Variants in SALL4 observed in about 807,000 individuals in gnomAD.
SALL4 encodes the protein sal-like protein 4.
Under a neutral mutation model 60.8 loss-of-function variants are expected in SALL4, and 4 were observed. The ratio of observed to expected loss-of-function variants is 0.07; its 90% CI spans 0.03 to 0.15. SALL4 has a LOEUF of 0.15. SALL4 is among the 10% of genes least tolerant of loss of function. SALL4 has a pLI of 1.00. For missense variants in SALL4, 1,178 were observed against 1,394.7 expected (o/e 0.84, Z 2.48); for synonymous variants, 580 against 574.9 (o/e 1.01, Z -0.13).
intron 3 of SALL4, among the ~76,000 whole-genome samples, chr20:51,787,076 C>T (rs1174170712): frequency 6.6e-6 from 1 of 150,770 alleles, no homozygotes; most frequent in Non-Finnish European, 1.5e-5. Context: ...GCCTGGGCAA[C>T]AAGAGCAAAA....
At position 51,783,724 on chromosome 20, in the gene SALL4, GAA is replaced by G. The variant is rs34105550; in HGVS notation, c.*539_*540del. The stretch of plus-strand genomic sequence containing the variant: ...CAAGACCCGCTTCTTTCCAAAATTA[GAA>G]AAAAAAAAAAAAAGTGCCAGGCGTG... On this transcript the variant is annotated 3_prime_UTR_variant, in exon 4 of 4. Coordinates refer to ENST00000217086, the MANE Select transcript of SALL4 (RefSeq NM_020436.5). 3.2e-4 allele frequency: 44 copies of G among 137,268 alleles called. No individual in the cohort carries two copies. Among genetic ancestry groups the G allele is most frequent in the Admixed American group, 5.8e-4 (8 of 13,794 alleles). The allele number at this position is 137,268 out of a possible 1,614,324, so 8.5% of individuals were successfully genotyped here.
At position 51,784,445 on chromosome 20, in the gene SALL4, C is replaced by A. The variant is rs765095328; in HGVS notation, c.2982G>T (p.Gly994=). The change falls in exon 4 of 4, where the codon GGG becomes GGT. Residue 994 remains glycine, a synonymous_variant. Coordinates refer to ENST00000217086, the MANE Select transcript of SALL4 (RefSeq NM_020436.5). ...CCAAGGAAACCGGGAGGGTAGGAAC[C>A]CCCCCACTCTGGATCACAGAGATCT... ...TNEISVIQSG[G]VPTLPVSLGA... The A allele has an allele frequency of 1.5e-5, 24 of 1,614,038 alleles. No homozygotes were observed. Among genetic ancestry groups the A allele is most frequent in the Middle Eastern group, 1.6e-4 (1 of 6,084 alleles).
In SALL4 at chr20:51,792,515, C is replaced by G. The variant is rs371954627; in HGVS notation, c.131-163G>C. Among the ~76,000 whole-genome samples the G allele has an allele frequency of 9.2e-5, 14 of 151,610 alleles. No individual in the cohort carries two copies. The South Asian group carries it at 2.9e-3, about 32-fold the overall frequency. ...ACCAGTCTGGCCAACATGGTGAGAC[C>G]CTGTCACTACTAAAAACACAAAAAT... is the stretch of plus-strand genomic sequence containing the variant. On this transcript the variant is annotated intron_variant, in intron 1 of 3. Transcript: ENST00000217086.
chr20:51,792,622 G>T, intron 1 of SALL4: 1 of 565,964 alleles, frequency 1.8e-6, no homozygotes, highest in South Asian at 2.0e-5. Flanking sequence ...CCAGGAGGCA[G>T]AGGTTGCAGT....
chr20:51,796,210 A>AAAAAG (rs2078078602), intron 1 of SALL4, among the ~76,000 whole-genome samples: 1 of 148,518 alleles, frequency 6.7e-6, no homozygotes, highest in East Asian at 1.9e-4. Context: ...AAAAAAAAAA[A>AAAAAG]AAAGAAAGAA....
intron 3 of SALL4, among the ~76,000 whole-genome samples, chr20:51,787,601 T>A (rs779147104): frequency 6.6e-6 from 1 of 152,202 alleles, no homozygotes; most frequent in African/African-American, 2.4e-5. Flanking sequence ...ACCTGGCTGC[T>A]TTCTTTAATT....
rs2078052505 is a variant in SALL4 at position 51,792,344 on chromosome 20, C to T, written c.139G>A (p.Val47Met). The T allele has an allele frequency of 2.5e-6, 4 of 1,602,760 alleles. No homozygotes were observed. The highest frequency in any genetic ancestry group is 2.7e-5 in the African/African-American group (2 of 74,902). Reference protein sequence around the residue: ...APAAGELGAPVNHPGNDEVAS... With the variant: ...APAAGELGAPMNHPGNDEVAS... ...ACCTCGTCATTCCCTGGGTGGTTCA[C>T]TGGAGCACCTGTAACAAGACAGAAA... The change falls in exon 2 of 4, where the codon GTG becomes ATG. Residue 47 changes from valine to methionine, a missense_variant. Val to Met is a conservative substitution (Grantham distance 21). This residue lies in a region of SALL4 where 108 missense variants were observed against 95.7 expected (regional missense o/e 1.13). Coordinates refer to ENST00000217086, the MANE Select transcript of SALL4 (RefSeq NM_020436.5).
intron 1 of SALL4, among the ~76,000 whole-genome samples, chr20:51,793,357 G>A (rs35281655): frequency 0.09 from 13,735 of 152,050 alleles, 820 homozygotes; most frequent in Non-Finnish European, 0.13. Context: ...GCATGGCAGC[G>A]TCCATGTATA....
At chr20:51,793,386 G>T (rs1472430260) in intron 1 of SALL4, among the ~76,000 whole-genome samples, 1 of 152,058 alleles carries the variant, frequency 6.6e-6, no homozygotes, top group Non-Finnish European at 1.5e-5. Flanking sequence ...AACTCCAGAG[G>T]CTGAGGCAGG....
At position 51,801,923 on chromosome 20, in the gene SALL4, G is replaced by A. The variant is rs112471334; in HGVS notation, c.130+356C>T. Among the ~76,000 whole-genome samples the A allele has an allele frequency of 2.6e-5, 4 of 151,812 alleles. No individual in the cohort carries two copies. Among genetic ancestry groups the A allele is most frequent in the African/African-American group, 9.7e-5 (4 of 41,422 alleles). On this transcript the variant is annotated intron_variant, in intron 1 of 3. Transcript: ENST00000217086. The surrounding 1 kb of genome is among the most constrained non-coding windows in gnomAD (Gnocchi z 5.2). ...GGGAGGGGGACCTAAGTTACAAGGG[G>A]GGGGGGTAACACCAGTGAGGGGAGT...
rs772877973 is a variant in SALL4 at position 51,792,188 on chromosome 20, G to A, written c.295C>T (p.Pro99Ser). 1 of 1,614,156 alleles carries A rather than the reference G, an allele frequency of 6.2e-7. No individual in the cohort carries two copies. The highest frequency in any genetic ancestry group is 1.7e-5 in the Admixed American group (1 of 60,018). ...TCGCTGTCATTCATGATGAGGACAG[G>A]TGGATTTTTAGTGCAATTTTTCTTA... is the stretch of plus-strand genomic sequence containing the variant. ...EHKKNCTKNP[P>S]VLIMNDSEGP... is the part of the protein sequence containing the mutation. The change falls in exon 2 of 4, where the codon CCT (proline) becomes TCT (serine). Residue 99 changes from proline to serine, a missense_variant. Pro to Ser is a moderately conservative substitution (Grantham distance 74). Transcript: ENST00000217086.
At chr20:51,784,776 AC>A in intron 3 of SALL4, 92 bp from the exon 4 acceptor site, 2 of 1,430,306 alleles carry the variant, frequency 1.4e-6, no homozygotes, top group Non-Finnish European at 2.0e-6. Flanking sequence ...ATTTCATTCT[AC>A]CCAGTGTTTT....
rs550740065 is a variant in SALL4 at position 51,788,129 on chromosome 20, TTTCTAATTTTTAAAATTAAAATGTAAACA to T, written c.2742+703_2742+731del. On this transcript the variant is annotated intron_variant, in intron 3 of 3. Transcript: ENST00000217086. The surrounding 1 kb of genome is among the most constrained non-coding windows in gnomAD (Gnocchi z 4.1). ...GCTGAGCCACTGCACCCAGGTAGTATTTCTAATTTTTAAAATTAAAATGTAAACATTTTAATTTTTTTAAGAGACAAGGT... is the reference window on the plus strand; with the variant it reads ...GCTGAGCCACTGCACCCAGGTAGTATTTTTAATTTTTTTAAGAGACAAGGT... Among the ~76,000 whole-genome samples, 1,000 of 151,484 alleles carry T rather than the reference TTTCTAATTTTTAAAATTAAAATGTAAACA, an allele frequency of 6.6e-3. 14 individuals are homozygous for T. Among genetic ancestry groups the T allele is most frequent in the African/African-American group, 0.023 (951 of 41,282 alleles).
intron 1 of SALL4, among the ~76,000 whole-genome samples, chr20:51,798,778 C>G (rs958871625): frequency 3.3e-5 from 5 of 151,874 alleles, no homozygotes; most frequent in African/African-American, 9.7e-5. Flanking sequence ...GCTCCCTTGT[C>G]GAAGATGCCA....
chr20:51,802,171 C>T, intron 1 of SALL4, 108 bp downstream of exon 1: 1 of 1,372,718 alleles, frequency 7.3e-7, no homozygotes, highest in Non-Finnish European at 9.7e-7. Context: ...AATCTCGGCT[C>T]CTGAATTTGC....
In SALL4 at chr20:51,788,849, A is replaced by T. The variant is rs1568862153; in HGVS notation, c.2742+12T>A. 1 of 1,613,834 alleles carries T rather than the reference A, an allele frequency of 6.2e-7. No individual in the cohort carries two copies. Among genetic ancestry groups the T allele is most frequent in the Non-Finnish European group, 8.5e-7 (1 of 1,180,028 alleles). On this transcript the variant is annotated intron_variant, in intron 3 of 3. Transcript: ENST00000217086. This position sits in a 1 kb window ranked among gnomAD's most constrained non-coding sequence, Gnocchi z 4.1. The stretch of plus-strand genomic sequence containing the variant: ...CTAGCCCCCATCCTGCTGAAAGCCC[A>T]CACAAACCCACCTTTAAGTTGCCTT...
At chr20:51,794,022 C>T (rs1221250629) in intron 1 of SALL4, among the ~76,000 whole-genome samples, 1 of 152,192 alleles carries the variant, frequency 6.6e-6, no homozygotes, top group African/African-American at 2.4e-5. Context: ...GCCTACTGGG[C>T]ACGCGTAATC....
Position 51,791,581 on chromosome 20 carries a change from G to T in SALL4, c.902C>A (p.Ser301Tyr). ...QAKLPHANIP[S>Y]ATSSLSPGLA... ...CCCTGGGGACAGGGAGCTGGTGGCA[G>T]AAGGGATGTTGGCGTGAGGTAGCTT... is the stretch of plus-strand genomic sequence containing the variant. Residue 301 changes from serine (S) to tyrosine (Y), a missense_variant, in exon 2 of 4, where the codon TCT (serine) becomes TAT (tyrosine). Ser to Tyr is a moderately radical substitution (Grantham distance 144). Transcript: ENST00000217086. This position sits in a 1 kb window ranked among gnomAD's most constrained non-coding sequence, Gnocchi z 4.6. 6.2e-7 allele frequency: 1 copy of T among 1,613,670 alleles called. No individual in the cohort carries two copies. The highest frequency in any genetic ancestry group is 8.5e-7 in the Non-Finnish European group (1 of 1,180,040).
intron 1 of SALL4, among the ~76,000 whole-genome samples, chr20:51,794,639 G>T (rs1392428957): frequency 2.0e-5 from 3 of 152,128 alleles, no homozygotes; most frequent in African/African-American, 7.2e-5. Context: ...CATAACAAAA[G>T]TTATTGACAG....
Sources: allele counts gnomAD v4.1 joint callset (sites outside exome capture counted in the v4.1 genomes callset), GRCh38; gene constraint gnomAD v4.1.1; regional missense constraint gnomAD v4.1.1; non-coding constraint Gnocchi (gnomAD v3.1); transcripts MANE v1.5; gene names NCBI Gene and HGNC (gene_info 2026-07-23, HGNC 2026-07-21).